Variants in C11orf65 observed in about 807,000 individuals in gnomAD.
C11orf65 encodes chromosome 11 open reading frame 65.
A neutral mutation model predicts 35.3 loss-of-function variants in C11orf65; 38 were observed. The observed-to-expected ratio is 1.08, with a 90% CI of 0.83 to 1.41. C11orf65 has a LOEUF of 1.41. Among genes scored for constraint, C11orf65 ranks in the 40% most tolerant of loss-of-function variants. C11orf65 has a pLI of 0.00. For synonymous variants in C11orf65, 105 were observed against 114.4 expected (o/e 0.92, Z 0.53); for missense variants, 370 against 367.1 (o/e 1.01, Z -0.06).
intron 2 of C11orf65, among the ~76,000 whole-genome samples, chr11:108,449,943 A>T (rs972610953): frequency 4.6e-5 from 7 of 151,320 alleles, no homozygotes; most frequent in Non-Finnish European, 7.4e-5. Context: ...TTTACAAGAG[A>T]AAAAAAAACC....
chr11:108,368,462 T>C, intron 2 of C11orf65: 1 of 213,228 alleles, frequency 4.7e-6, no homozygotes, highest in East Asian at 7.0e-5. Context: ...TGATCTTTAC[T>C]TTGCAAGATT....
intron 2 of C11orf65, chr11:108,365,263 TTC>T (rs1178748847): frequency 6.2e-7 from 1 of 1,614,214 alleles, no homozygotes; most frequent in South Asian, 1.1e-5. Context: ...TTTTCAGATT[TTC>T]TTATTCCCAA....
In C11orf65 at chr11:108,431,483, G is replaced by C. The variant is rs61656941; in HGVS notation, c.174+263C>G. On this transcript the variant is annotated intron_variant, in intron 3 of 8. Transcript: ENST00000393084. ...ATAAAATAGTGGTTACCTTTTGGAAGAAGGGAGTTGGCAATGATTTGCAGG... is the reference window on the plus strand; with the variant it reads ...ATAAAATAGTGGTTACCTTTTGGAACAAGGGAGTTGGCAATGATTTGCAGG... 2.0e-5 allele frequency among the ~76,000 whole-genome samples: 3 copies of C among 152,314 alleles called. No individual in the cohort carries two copies. The East Asian group carries it at 5.8e-4, about 29-fold the overall frequency.
intron 6 of C11orf65, among the ~76,000 whole-genome samples, chr11:108,405,176 G>A (rs1054310732): frequency 6.6e-5 from 10 of 152,102 alleles, no homozygotes; most frequent in South Asian, 2.1e-4. Context: ...ATAAATATGA[G>A]TCTCCCTAGC....
Position 108,430,950 on chromosome 11 carries a change from G to A in C11orf65, c.174+796C>T, listed in dbSNP as rs906888507. ...CACACACACACACACACACACAGAG[G>A]AGAGTTGAATAAGCACTTTCCACAT... On this transcript the variant is annotated intron_variant, in intron 3 of 8. Transcript: ENST00000393084. 7.6e-5 allele frequency among the ~76,000 whole-genome samples: 11 copies of A among 144,942 alleles called. No individual in the cohort carries two copies. In the East Asian group the frequency reaches 1.2e-3, roughly 16 times the overall value.
chr11:108,450,695 A>C (rs1225011891), intron 2 of C11orf65, among the ~76,000 whole-genome samples: 2 of 151,346 alleles, frequency 1.3e-5, no homozygotes, highest in Non-Finnish European at 2.9e-5. Context: ...TAATGGGTGC[A>C]GTACACCAAC....
At chr11:108,368,163 C>G (rs2091428529) in intron 2 of C11orf65, 1 of 207,078 alleles carries the variant, frequency 4.8e-6, no homozygotes, top group Admixed American at 6.0e-5. Flanking sequence ...AGATCACAAG[C>G]CTAGGAGAAA....
chr11:108,372,440 G>A (rs564102779), intron 2 of C11orf65, among the ~76,000 whole-genome samples: 12 of 152,294 alleles, frequency 7.9e-5, no homozygotes, highest in Admixed American at 2.0e-4. Flanking sequence ...TGATATGCCC[G>A]CCTCAGCACC....
At position 108,450,374 on chromosome 11, in the gene C11orf65, C is replaced by T. The variant is rs141824595; in HGVS notation, c.81+11105G>A. 9.9e-3 allele frequency among the ~76,000 whole-genome samples: 1,500 copies of T among 151,788 alleles called. 46 individuals are homozygous for T. Among genetic ancestry groups the T allele is most frequent in the African/African-American group, 0.034 (1,420 of 41,208 alleles). ...CAATAGCAAAGACTTGGAACTAACC[C>T]AAATGCCTAACAACGATAGACTGGA... On this transcript the variant is annotated intron_variant, in intron 2 of 8. Coordinates refer to ENST00000393084, the MANE Select transcript of C11orf65 (RefSeq NM_152587.5).
chr11:108,363,111 A>C (rs1305118630), intron 2 of C11orf65, among the ~76,000 whole-genome samples: 1 of 152,064 alleles, frequency 6.6e-6, no homozygotes, highest in Admixed American at 6.6e-5. Context: ...TTCAAGAATA[A>C]TTTTCCCAGT....
chr11:108,400,970 A>C (rs2092428250), intron 6 of C11orf65, among the ~76,000 whole-genome samples: 1 of 152,052 alleles, frequency 6.6e-6, no homozygotes, highest in Non-Finnish European at 1.5e-5. Flanking sequence ...TTAGCCAGGC[A>C]TGGTGGCACA....
downstream of C11orf65, among the ~76,000 whole-genome samples, chr11:108,382,191 C>T (rs1184176091): frequency 6.6e-6 from 1 of 152,174 alleles, no homozygotes; most frequent in East Asian, 1.9e-4. Context: ...GTTTCCTAAC[C>T]CTCAGAAACT....
At chr11:108,457,082 A>T (rs1177244737) in intron 2 of C11orf65, among the ~76,000 whole-genome samples, 1 of 152,162 alleles carries the variant, frequency 6.6e-6, no homozygotes, top group Non-Finnish European at 1.5e-5. Flanking sequence ...TATAATGGGA[A>T]GTCAAGTGAT....
chr11:108,369,252 T>A (rs1241345073), intron 2 of C11orf65: 1 of 153,752 alleles, frequency 6.5e-6, no homozygotes, highest in Admixed American at 6.5e-5. Flanking sequence ...GACCACGCAG[T>A]GTGAACCGGG....
rs532480170 is a variant in C11orf65, at chr11:108,316,015, C to A, written c.641-6944G>T. 3.9e-5 allele frequency: 63 copies of A among 1,613,930 alleles called. No individual in the cohort carries two copies. Among genetic ancestry groups the A allele is most frequent in the Non-Finnish European group, 5.3e-5 (62 of 1,179,876 alleles). On this transcript the variant is annotated intron_variant, in intron 6 of 6. Transcript: ENST00000525729. The stretch of plus-strand genomic sequence containing the variant: ...TTTCACAATCTTTTCTTATAGACTA[C>A]GAACATATGAACACGAAGCAATGTG...
At chr11:108,374,504 G>A (rs2091665289) in intron 2 of C11orf65, among the ~76,000 whole-genome samples, 1 of 152,080 alleles carries the variant, frequency 6.6e-6, no homozygotes, top group Non-Finnish European at 1.5e-5. Context: ...CATCATCAAA[G>A]ACCAAAAGTA....
At chr11:108,425,810 G>C (rs191492331) in intron 3 of C11orf65, among the ~76,000 whole-genome samples, 1 of 152,198 alleles carries the variant, frequency 6.6e-6, no homozygotes, top group South Asian at 2.1e-4. Flanking sequence ...CGATCAAGTC[G>C]GCTTCATCCC....
At chr11:108,346,011 G>A (rs538880368) in intron 2 of C11orf65, 526 of 1,338,452 alleles carry the variant, frequency 3.9e-4, no homozygotes, top group African/African-American at 3.7e-3. Flanking sequence ...GCAGGGGGAT[G>A]ATAGTGATGA....
intron 2 of C11orf65, among the ~76,000 whole-genome samples, chr11:108,458,093 T>C (rs937565615): frequency 6.6e-6 from 1 of 152,190 alleles, no homozygotes; most frequent in African/African-American, 2.4e-5. Flanking sequence ...CTCCCATATA[T>C]AACCCTCTTA....
Sources: allele counts gnomAD v4.1 joint callset (sites outside exome capture counted in the v4.1 genomes callset), GRCh38; gene constraint gnomAD v4.1.1; transcripts MANE v1.5; gene names NCBI Gene and HGNC (gene_info 2026-07-23, HGNC 2026-07-21).